Variants in MC1R observed in about 807,000 individuals in gnomAD.
MC1R encodes the protein melanocyte-stimulating hormone receptor.
For missense variants in MC1R, 542 were observed against 430.0 expected, an observed-to-expected ratio of 1.26 and a Z score of -2.30; for synonymous variants, 263 against 203.8, an observed-to-expected ratio of 1.29 and a Z score of -2.47.
chr16:89,920,732 A>G lies in MC1R; in HGVS notation c.*520A>G, dbSNP rs1567759031. On this transcript the variant is annotated 3_prime_UTR_variant, in exon 1 of 1. Coordinates refer to ENST00000555147, the MANE Select transcript of MC1R (RefSeq NM_002386.4). ...CACAGCCTTGCAGCGGCTCCTGCAA[A>G]AGGAGGTGAAATCCCTGCCTCAGGC... The G allele has an allele frequency of 4.2e-6, 3 of 715,922 alleles. No individual in the cohort carries two copies. In the Admixed American group the frequency reaches 6.0e-5, roughly 14 times the overall value. The allele number at this position is 715,922 out of a possible 1,614,324, so 44.3% of individuals were successfully genotyped here.
In MC1R at chr16:89,919,865, A is replaced by G. The variant is rs374355873; in HGVS notation, c.607A>G (p.Met203Val). 16 of 1,605,952 alleles carry G rather than the reference A, an allele frequency of 1.0e-5. No homozygotes were observed. The highest frequency in any genetic ancestry group is 2.7e-5 in the African/African-American group (2 of 74,862). Residue 203 changes from methionine to valine, a missense_variant, in exon 1 of 1, where the codon ATG becomes GTG. By Grantham distance (21) the Met-to-Val change is conservative. Coordinates refer to ENST00000555147, the MANE Select transcript of MC1R (RefSeq NM_002386.4). The part of the protein sequence containing the change: ...VVFFLAMLVL[M>V]AVLYVHMLAR... ...CTTCTTCCTGGCTATGCTGGTGCTC[A>G]TGGCCGTGCTGTACGTCCACATGCT...
chr16:89,919,811 C>T lies in MC1R; in HGVS notation c.553C>T (p.His185Tyr), dbSNP rs1238338498. ...FSTLFIAYYDHVAVLLCLVVF... is the reference protein window; with the variant it reads ...FSTLFIAYYDYVAVLLCLVVF... ...CACGCTCTTCATCGCCTACTACGAC[C>T]ACGTGGCCGTCCTGCTGTGCCTCGT... The change falls in exon 1 of 1, where the codon CAC becomes TAC. Residue 185 changes from histidine to tyrosine, a missense_variant. Physicochemically the swap from His to Tyr is moderately conservative, Grantham distance 83. Coordinates refer to ENST00000555147, the MANE Select transcript of MC1R (RefSeq NM_002386.4). 5 of 1,607,440 alleles carry T rather than the reference C, an allele frequency of 3.1e-6. No homozygotes were observed. The South Asian group carries it at 4.4e-5, about 14-fold the overall frequency.
rs765743913 is a variant in MC1R at position 89,919,752 on chromosome 16, T to C, written c.494T>C (p.Val165Ala). The change falls in exon 1 of 1, where the codon GTT (valine) becomes GCT (alanine). Residue 165 changes from valine (V) to alanine (A), a missense_variant. Physicochemically the swap from Val to Ala is moderately conservative, Grantham distance 64 (BLOSUM62 0). Coordinates refer to ENST00000555147, the MANE Select transcript of MC1R (RefSeq NM_002386.4). Reference sequence around the variant, plus strand: ...ACCCTGCCGCGGGCGCGGCGAGCCGTTGCGGCCATCTGGGTGGCCAGTGTC... The same window carrying C: ...ACCCTGCCGCGGGCGCGGCGAGCCGCTGCGGCCATCTGGGTGGCCAGTGTC... ...IVTLPRARRA[V>A]AAIWVASVVF... 6.2e-7 allele frequency: 1 copy of C among 1,608,364 alleles called. No individual in the cohort carries two copies. Among genetic ancestry groups the C allele is most frequent in the South Asian group, 1.1e-5 (1 of 91,086 alleles).
chr16:89,919,638 C>T lies in MC1R; in HGVS notation c.380C>T (p.Ser127Phe), dbSNP rs967629360. The T allele has an allele frequency of 3.7e-6, 6 of 1,606,946 alleles. No individual in the cohort carries two copies. The highest frequency in any genetic ancestry group is 3.3e-5 in the Admixed American group (2 of 60,022). ...GTCATTGACGTGATCACCTGCAGCT[C>T]CATGCTGTCCAGCCTCTGCTTCCTG... ...DNVIDVITCS[S>F]MLSSLCFLGA... is the part of the protein sequence containing the mutation. The change falls in exon 1 of 1, where the codon TCC becomes TTC. Residue 127 changes from serine (S) to phenylalanine (F), a missense_variant. Transcript: ENST00000555147.
At position 89,919,197 on chromosome 16, in the gene MC1R, G is replaced by GGGGA; in HGVS notation, c.-61_-58dup. 2 of 1,187,124 alleles carry GGGGA rather than the reference G, an allele frequency of 1.7e-6. No homozygotes were observed. The highest frequency in any genetic ancestry group is 3.1e-5 in the South Asian group (2 of 64,282). 73.5% of individuals were successfully genotyped at this position (1,187,124 alleles called of 1,614,324 possible). A position where few individuals can be genotyped will look rare whatever the true frequency, so the allele number is the denominator to read the frequency against. On this transcript the variant is annotated 5_prime_UTR_variant, in exon 1 of 1. Coordinates refer to ENST00000555147, the MANE Select transcript of MC1R (RefSeq NM_002386.4). ...CCATGAACTAAGCAGGACACCTGGA[G>GGGGA]GGGAAGAACTGTGGGGACCTGGAGG...
chr16:89,919,839 T>A lies in MC1R; in HGVS notation c.581T>A (p.Val194Asp). The change falls in exon 1 of 1, where the codon GTC becomes GAC. Residue 194 changes from valine (V) to aspartate (D), a missense_variant. Transcript: ENST00000555147. ...GTGGCCGTCCTGCTGTGCCTCGTGG[T>A]CTTCTTCCTGGCTATGCTGGTGCTC... ...DHVAVLLCLV[V>D]FFLAMLVLMA... is the part of the protein sequence containing the mutation. 2 of 1,606,610 alleles carry A rather than the reference T, an allele frequency of 1.2e-6. No individual in the cohort carries two copies. The highest frequency in any genetic ancestry group is 2.2e-5 in the South Asian group (2 of 91,072).
rs1379567189 is a variant in MC1R at position 89,918,871 on chromosome 16, A to C, written c.-388A>C. The C allele has an allele frequency of 3.8e-6, 1 of 264,742 alleles. No individual in the cohort carries two copies. Among genetic ancestry groups the C allele is most frequent in the African/African-American group, 2.2e-5 (1 of 46,332 alleles). The allele number at this position is 264,742 out of a possible 1,614,324, so 16.4% of individuals were successfully genotyped here. A position where few individuals can be genotyped will look rare whatever the true frequency, so the allele number is the denominator to read the frequency against. ...CGCAGAGAAAAGCTCCATTCTTCCCAGGACCTCAGCGCAGCCCTGGCCCAG... is the reference window on the plus strand; with the variant it reads ...CGCAGAGAAAAGCTCCATTCTTCCCCGGACCTCAGCGCAGCCCTGGCCCAG... On this transcript the variant is annotated 5_prime_UTR_variant, in exon 1 of 1. Coordinates refer to ENST00000555147, the MANE Select transcript of MC1R (RefSeq NM_002386.4).
rs1222841233 is a variant in MC1R at position 89,919,963 on chromosome 16, T to TG, written c.707dup (p.Leu237ProfsTer2). On this transcript the variant is annotated frameshift_variant, in exon 1 of 1. Coordinates refer to ENST00000555147, the MANE Select transcript of MC1R (RefSeq NM_002386.4). LOFTEE classifies it low-confidence loss of function (END_TRUNC). The stretch of plus-strand genomic sequence containing the variant: ...GGCAGCGCCCGGTCCACCAGGGCTT[T>TG]GGCCTTAAAGGCGCTGTCACCCTCA... 2 of 1,612,706 alleles carry TG rather than the reference T, an allele frequency of 1.2e-6. No homozygotes were observed. The highest frequency in any genetic ancestry group is 8.5e-7 in the Non-Finnish European group (1 of 1,179,878).
Position 89,920,116 on chromosome 16 carries a change from C to T in MC1R, c.858C>T (p.Leu286=). 6.2e-7 allele frequency: 1 copy of T among 1,613,932 alleles called. No homozygotes were observed. The highest frequency in any genetic ancestry group is 8.5e-7 in the Non-Finnish European group (1 of 1,179,816). The change falls in exon 1 of 1, where the codon CTC becomes CTT. Residue 286 remains leucine, a synonymous_variant. Transcript: ENST00000555147. ...AGAACTTCAACCTCTTTCTCGCCCT[C>T]ATCATCTGCAATGCCATCATCGACC... is the stretch of plus-strand genomic sequence containing the variant. The part of the protein sequence containing the change: ...IFKNFNLFLA[L]IICNAIIDPL...
rs1391913478 is a variant in MC1R, at chr16:89,919,585, G to C, written c.327G>C (p.Arg109=). ...LLLEAGALVA[R]AAVLQQLDNV... ...TGGAGGCCGGTGCACTGGTGGCCCG[G>C]GCTGCGGTGCTGCAGCAGCTGGACA... is the stretch of plus-strand genomic sequence containing the variant. Residue 109 remains arginine, a synonymous_variant, in exon 1 of 1, where the codon CGG becomes CGC. Transcript: ENST00000555147. 1 of 1,610,394 alleles carries C rather than the reference G, an allele frequency of 6.2e-7. No individual in the cohort carries two copies. The highest frequency in any genetic ancestry group is 1.1e-5 in the South Asian group (1 of 91,088).
In MC1R at chr16:89,920,156, T is replaced by G. The variant is rs1413138979; in HGVS notation, c.898T>G (p.Phe300Val). The G allele has an allele frequency of 5.0e-6, 8 of 1,613,872 alleles. 1 individual carries two copies. In the Admixed American group the frequency reaches 1.3e-4, roughly 27 times the overall value. Reference protein sequence around the residue: ...NAIIDPLIYAFHSQELRRTLK... With the variant: ...NAIIDPLIYAVHSQELRRTLK... ...CATCATCGACCCCCTCATCTACGCC[T>G]TCCACAGCCAGGAGCTCCGCAGGAC... Residue 300 changes from phenylalanine to valine, a missense_variant, in exon 1 of 1, where the codon TTC (phenylalanine) becomes GTC (valine). Physicochemically the swap from Phe to Val is conservative, Grantham distance 50 (BLOSUM62 -1). Coordinates refer to ENST00000555147, the MANE Select transcript of MC1R (RefSeq NM_002386.4).
Position 89,919,565 on chromosome 16 carries a change from G to A in MC1R, c.307G>A (p.Ala103Thr). The A allele has an allele frequency of 6.2e-7, 1 of 1,611,830 alleles. No homozygotes were observed. ...GACGGCCGTCATCCTCCTGCTGGAG[G>A]CCGGTGCACTGGTGGCCCGGGCTGC... ...LETAVILLLE[A>T]GALVARAAVL... The change falls in exon 1 of 1, where the codon GCC (alanine) becomes ACC (threonine). Residue 103 changes from alanine (A) to threonine (T), a missense_variant. By Grantham distance (58) the Ala-to-Thr change is moderately conservative (BLOSUM62 0). Coordinates refer to ENST00000555147, the MANE Select transcript of MC1R (RefSeq NM_002386.4).
At position 89,920,962 on chromosome 16, in the gene MC1R, A is replaced by G; in HGVS notation, c.*750A>G. ...GAAAGTCTGGTAATAAATGTGACTC[A>G]GCATCACCCACCTTAGCCCCTTCCA... On this transcript the variant is annotated 3_prime_UTR_variant, in exon 1 of 1. Transcript: ENST00000555147. 1 of 524,724 alleles carries G rather than the reference A, an allele frequency of 1.9e-6. No individual in the cohort carries two copies. The highest frequency in any genetic ancestry group is 3.5e-6 in the Non-Finnish European group (1 of 289,434). 32.5% of individuals were successfully genotyped at this position (524,724 alleles called of 1,614,324 possible). A position where few individuals can be genotyped will look rare whatever the true frequency, so the allele number is the denominator to read the frequency against.
chr16:89,920,119 C>G lies in MC1R; in HGVS notation c.861C>G (p.Ile287Met), dbSNP rs373957223. 1.1e-4 allele frequency: 182 copies of G among 1,613,988 alleles called. No individual in the cohort carries two copies. The highest frequency in any genetic ancestry group is 6.7e-4 in the Admixed American group (40 of 60,020). ...FKNFNLFLAL[I>M]ICNAIIDPLI... ...ACTTCAACCTCTTTCTCGCCCTCAT[C>G]ATCTGCAATGCCATCATCGACCCCC... Residue 287 changes from isoleucine (I) to methionine (M), a missense_variant, in exon 1 of 1, where the codon ATC becomes ATG. By Grantham distance (10) the Ile-to-Met change is conservative (BLOSUM62 1). Coordinates refer to ENST00000555147, the MANE Select transcript of MC1R (RefSeq NM_002386.4).
chr16:89,919,516 G>T lies in MC1R; in HGVS notation c.258G>T (p.Leu86=). The change falls in exon 1 of 1, where the codon CTG becomes CTT. Residue 86 remains leucine (L), a synonymous_variant. Coordinates refer to ENST00000555147, the MANE Select transcript of MC1R (RefSeq NM_002386.4). ...FICCLALSDL[L]VSGSNVLETA... ...GCTGCCTGGCCTTGTCGGACCTGCTGGTGAGCGGGAGCAACGTGCTGGAGA... is the reference window on the plus strand; with the variant it reads ...GCTGCCTGGCCTTGTCGGACCTGCTTGTGAGCGGGAGCAACGTGCTGGAGA... 1 of 1,613,132 alleles carries T rather than the reference G, an allele frequency of 6.2e-7. No individual in the cohort carries two copies. The highest frequency in any genetic ancestry group is 8.5e-7 in the Non-Finnish European group (1 of 1,179,722).
In MC1R at chr16:89,920,176, CAGG is replaced by C. The variant is rs1567758724; in HGVS notation, c.920_922del (p.Arg307del). On this transcript the variant is annotated inframe_deletion, in exon 1 of 1. Coordinates refer to ENST00000555147, the MANE Select transcript of MC1R (RefSeq NM_002386.4). Reference sequence around the variant, plus strand: ...ACGCCTTCCACAGCCAGGAGCTCCGCAGGACGCTCAAGGAGGTGCTGACATGCT... The same window carrying C: ...ACGCCTTCCACAGCCAGGAGCTCCGCACGCTCAAGGAGGTGCTGACATGCT... 3 of 1,613,916 alleles carry C rather than the reference CAGG, an allele frequency of 1.9e-6. No homozygotes were observed. Among genetic ancestry groups the C allele is most frequent in the Non-Finnish European group, 2.5e-6 (3 of 1,179,880 alleles).
At position 89,919,104 on chromosome 16, in the gene MC1R, G is replaced by A; in HGVS notation, c.-155G>A. On this transcript the variant is annotated 5_prime_UTR_variant, in exon 1 of 1. Transcript: ENST00000555147. Reference sequence around the variant, plus strand: ...CTGTCCAGCCAGGGAGAGGGTGTGAGGGCAGATCTGGGGGTGCCCAGATGG... The same window carrying A: ...CTGTCCAGCCAGGGAGAGGGTGTGAAGGCAGATCTGGGGGTGCCCAGATGG... 3.3e-6 allele frequency: 2 copies of A among 612,368 alleles called. No individual in the cohort carries two copies. The highest frequency in any genetic ancestry group is 3.0e-5 in the Admixed American group (1 of 33,778). The allele number at this position is 612,368 out of a possible 1,614,324, so 37.9% of individuals were successfully genotyped here. A position where few individuals can be genotyped will look rare whatever the true frequency, so the allele number is the denominator to read the frequency against.
In MC1R at chr16:89,919,973, GGCGCTGTCAC is replaced by G; in HGVS notation, c.716_725del (p.Gly239AlafsTer72). 1 of 1,613,016 alleles carries G rather than the reference GGCGCTGTCAC, an allele frequency of 6.2e-7. No individual in the cohort carries two copies. The highest frequency in any genetic ancestry group is 8.5e-7 in the Non-Finnish European group (1 of 1,179,882). On this transcript the variant is annotated frameshift_variant, in exon 1 of 1. Coordinates refer to ENST00000555147, the MANE Select transcript of MC1R (RefSeq NM_002386.4). LOFTEE classifies it low-confidence loss of function (END_TRUNC). ...GGTCCACCAGGGCTTTGGCCTTAAAGGCGCTGTCACCCTCACCATCCTGCTGGGCATTTTC... is the reference window on the plus strand; with the variant it reads ...GGTCCACCAGGGCTTTGGCCTTAAAGCCTCACCATCCTGCTGGGCATTTTC...
rs1372842712 is a variant in MC1R at position 89,919,904 on chromosome 16, C to G, written c.646C>G (p.Gln216Glu). The G allele has an allele frequency of 6.2e-7, 1 of 1,607,804 alleles. No homozygotes were observed. Among genetic ancestry groups the G allele is most frequent in the East Asian group, 2.2e-5 (1 of 44,864 alleles). ...LYVHMLARAC[Q>E]HAQGIARLHK... ...CGTCCACATGCTGGCCCGGGCCTGC[C>G]AGCACGCCCAGGGCATCGCCCGGCT... The change falls in exon 1 of 1, where the codon CAG (glutamine) becomes GAG (glutamate). Residue 216 changes from glutamine (Q) to glutamate (E), a missense_variant. Coordinates refer to ENST00000555147, the MANE Select transcript of MC1R (RefSeq NM_002386.4).
Sources: gnomAD v4.1 joint callset for allele counts on GRCh38, gnomAD v4.1.1 for gene constraint, MANE v1.5 for transcripts, NCBI Gene and HGNC (gene_info 2026-07-23, HGNC 2026-07-21) for gene names.